The following CSGALNACT1 variants were observed in gnomAD, a reference collection of about 807,000 sequenced individuals.
CSGALNACT1 encodes beta4GalNAcT-1.
Under a neutral mutation model 51.0 loss-of-function variants are expected in CSGALNACT1, and 52 were observed. That is an observed-to-expected ratio of 1.02 (90% CI 0.82 to 1.29). The LOEUF (loss-of-function observed/expected upper bound fraction) is 1.29. CSGALNACT1 is among the 50% of genes most tolerant of loss of function. The pLI is 0.00. For missense variants in CSGALNACT1, 935 were observed against 679.2 expected (o/e 1.38, Z -4.19); for synonymous variants, 341 against 254.4 (o/e 1.34, Z -3.24).
At chr8:19,575,291 G>T (rs1342202015) in intron 3 of CSGALNACT1, among the ~76,000 whole-genome samples, 1 of 152,198 alleles carries the variant, frequency 6.6e-6, no homozygotes, top group East Asian at 1.9e-4. Context: ...CTCCTGGGAA[G>T]TTAGCAACCT....
chr8:19,638,452 TCA>T (rs1216992788), intron 1 of CSGALNACT1, among the ~76,000 whole-genome samples: 1 of 152,198 alleles, frequency 6.6e-6, no homozygotes, highest in Admixed American at 6.5e-5. Context: ...AAGATTACTC[TCA>T]GTTAATTGTT....
At chr8:19,619,583 G>T (rs2053555563) in intron 1 of CSGALNACT1, among the ~76,000 whole-genome samples, 1 of 152,144 alleles carries the variant, frequency 6.6e-6, no homozygotes, top group Non-Finnish European at 1.5e-5. Flanking sequence ...CTAGGGGCAG[G>T]TTCAAGAGAC....
At position 19,581,834 on chromosome 8, in the gene CSGALNACT1, T is replaced by C. The variant is rs190899562; in HGVS notation, c.-297+9326A>G. Among the ~76,000 whole-genome samples, 19 of 152,318 alleles carry C rather than the reference T, an allele frequency of 1.2e-4. No homozygotes were observed. The East Asian group carries it at 3.5e-3, about 28-fold the overall frequency. ...ATATGGTTACATTAGTCTCTTAACA[T>C]GTAGACGGAAAGCTGCTGTTGTAGG... On this transcript the variant is annotated intron_variant, in intron 3 of 9. Coordinates refer to ENST00000454498, the Ensembl canonical transcript of CSGALNACT1.
At chr8:19,677,020 G>C (rs1426690285) in intron 1 of CSGALNACT1, among the ~76,000 whole-genome samples, 1 of 152,014 alleles carries the variant, frequency 6.6e-6, no homozygotes, top group African/African-American at 2.4e-5. Flanking sequence ...AGAGGATCAA[G>C]AAAAGAAAGG....
Position 19,748,123 on chromosome 8 carries a change from G to A in CSGALNACT1, c.-297+9727C>T, listed in dbSNP as rs143025695. Among the ~76,000 whole-genome samples, 204 of 152,294 alleles carry A rather than the reference G, an allele frequency of 1.3e-3. 2 individuals are homozygous for A. The highest frequency in any genetic ancestry group is 0.012 in the Admixed American group (179 of 15,298). On this transcript the variant is annotated intron_variant, in intron 1 of 1. Transcript: ENST00000517494. Reference sequence around the variant, plus strand: ...CCTGGAAATTTTAAGTTACTTATACGTATGGAGGTCCAAGAAGATGTATTT... The same window carrying A: ...CCTGGAAATTTTAAGTTACTTATACATATGGAGGTCCAAGAAGATGTATTT...
chr8:19,542,200 AACACACAC>A lies in CSGALNACT1; in HGVS notation c.-296-36078_-296-36071del, dbSNP rs55968136. Among the ~76,000 whole-genome samples, 1,344 of 144,032 alleles carry A rather than the reference AACACACAC, an allele frequency of 9.3e-3. 24 individuals are homozygous for A. Among genetic ancestry groups the A allele is most frequent in the African/African-American group, 0.031 (1,218 of 38,948 alleles). 94.5% of individuals were successfully genotyped at this position (144,032 alleles called of 152,430 possible). ...AAGAAAGAAGAGAGACAGCACAAGAAACACACACACACACACACACACACACACACACA... is the reference window on the plus strand; with the variant it reads ...AAGAAAGAAGAGAGACAGCACAAGAAACACACACACACACACACACACACA... On this transcript the variant is annotated intron_variant, in intron 3 of 9. Coordinates refer to ENST00000454498, the Ensembl canonical transcript of CSGALNACT1.
At chr8:19,463,223 C>A (rs1221908436) in intron 4 of CSGALNACT1, among the ~76,000 whole-genome samples, 5 of 152,194 alleles carry the variant, frequency 3.3e-5, no homozygotes, top group Non-Finnish European at 7.3e-5. Context: ...CAGTCCACTG[C>A]TGATGGGCAT....
chr8:19,667,650 T>C (rs1304545236), intron 1 of CSGALNACT1, among the ~76,000 whole-genome samples: 4 of 151,718 alleles, frequency 2.6e-5, no homozygotes, highest in African/African-American at 9.7e-5. Flanking sequence ...AGAAGGTACT[T>C]GAAACCCTAA....
chr8:19,617,873 T>C (rs758048350), intron 1 of CSGALNACT1, among the ~76,000 whole-genome samples: 47 of 152,176 alleles, frequency 3.1e-4, no homozygotes, highest in Non-Finnish European at 6.3e-4. Context: ...AGTCATTATA[T>C]TCCTATATGC....
intron 1 of CSGALNACT1, among the ~76,000 whole-genome samples, chr8:19,745,710 G>C (rs986764151): frequency 6.6e-6 from 1 of 152,164 alleles, no homozygotes; most frequent in African/African-American, 2.4e-5. Context: ...ACCATCCCCA[G>C]GGAATATCTG....
At chr8:19,634,788 G>T (rs185264996) in intron 1 of CSGALNACT1, among the ~76,000 whole-genome samples, 1 of 152,172 alleles carries the variant, frequency 6.6e-6, no homozygotes, top group African/African-American at 2.4e-5. Flanking sequence ...AGTGGCGCAC[G>T]CCTTCATCTT....
At chr8:19,411,301 G>A (rs1356333415) in intron 8 of CSGALNACT1, among the ~76,000 whole-genome samples, 1 of 152,178 alleles carries the variant, frequency 6.6e-6, no homozygotes, top group Non-Finnish European at 1.5e-5. Context: ...TGATCCCGTT[G>A]ATGCATCTGC....
chr8:19,497,539 T>C (rs925699293), intron 4 of CSGALNACT1, among the ~76,000 whole-genome samples: 2 of 152,018 alleles, frequency 1.3e-5, no homozygotes, highest in Non-Finnish European at 2.9e-5. Context: ...GACGGAGAAT[T>C]TAAAACAACC....
intron 3 of CSGALNACT1, among the ~76,000 whole-genome samples, chr8:19,573,743 A>C (rs1331129509): frequency 2.0e-5 from 3 of 152,106 alleles, no homozygotes; most frequent in Non-Finnish European, 4.4e-5. Context: ...CAAACCTAAG[A>C]GTTCCATCTC....
chr8:19,743,593 C>A (rs2064452989), intron 1 of CSGALNACT1, among the ~76,000 whole-genome samples: 1 of 152,126 alleles, frequency 6.6e-6, no homozygotes, highest in Non-Finnish European at 1.5e-5. Context: ...AAGGGTTCAC[C>A]ACATGGACTT....
intron 4 of CSGALNACT1, among the ~76,000 whole-genome samples, chr8:19,480,781 A>C (rs1378242289): frequency 6.6e-6 from 1 of 152,152 alleles, no homozygotes; most frequent in Admixed American, 6.5e-5. Context: ...TATCCCTACC[A>C]GGCTCACTCC....
At chr8:19,538,375 A>G (rs2958554) in intron 3 of CSGALNACT1, among the ~76,000 whole-genome samples, 22,687 of 152,080 alleles carry the variant, frequency 0.15, 1,747 homozygotes, top group Middle Eastern at 0.2. Flanking sequence ...AAAAAGTCAT[A>G]TAATTAGAAA....
intron 5 of CSGALNACT1, among the ~76,000 whole-genome samples, chr8:19,444,035 C>T (rs1390160626): frequency 6.6e-6 from 1 of 152,194 alleles, no homozygotes; most frequent in Non-Finnish European, 1.5e-5. Flanking sequence ...AATGCTACAG[C>T]TGATCTGACA....
At chr8:19,405,349 CATTCCTAGAAACTAG>C (rs1219361332) in exon 10 of CSGALNACT1, 2 of 455,304 alleles carry the variant, frequency 4.4e-6, no homozygotes, top group Non-Finnish European at 8.8e-6. Flanking sequence ...GATATTTTAG[CATTCCTAGAAACTAG>C]AGCCCTGCTG....
Sources: gnomAD v4.1 joint callset for allele counts (sites outside exome capture counted in the v4.1 genomes callset) on GRCh38, gnomAD v4.1.1 for gene constraint, MANE v1.5 for transcripts, NCBI Gene and HGNC (gene_info 2026-07-23, HGNC 2026-07-21) for gene names.